ZMYND12: variants seen among roughly 807,000 people sequenced by gnomAD.
The protein encoded by ZMYND12 is zinc finger MYND-type containing 12.
A neutral mutation model predicts 41.7 loss-of-function variants in ZMYND12; 32 were observed. The ratio of observed to expected loss-of-function variants is 0.77; its 90% confidence interval spans 0.58 to 1.03. The LOEUF (loss-of-function observed/expected upper bound fraction) is 1.03, where lower values mean the gene tolerates loss of function less well. Among genes scored for constraint, ZMYND12 ranks in the 50% least tolerant of loss-of-function variants. ZMYND12 has a pLI of 0.00. For synonymous variants in ZMYND12, 148 were observed against 164.8 expected (o/e 0.90, Z 0.78); for missense variants, 424 against 438.5 (o/e 0.97, Z 0.30).
chr1:42,437,711 T>C (rs904887113), intron 4 of ZMYND12, among the ~76,000 whole-genome samples: 2 of 150,680 alleles, frequency 1.3e-5, no homozygotes, highest in African/African-American at 4.9e-5. Context: ...AGACTGAGTC[T>C]CACTCTGTCG....
At chr1:42,444,802 C>CTTTT (rs34129195) in intron 3 of ZMYND12, among the ~76,000 whole-genome samples, 1 of 124,542 alleles carries the variant, frequency 8.0e-6, no homozygotes. Flanking sequence ...AGGAGTAGTT[C>CTTTT]TTTTTTTTTT....
intron 3 of ZMYND12, among the ~76,000 whole-genome samples, chr1:42,445,010 G>T (rs572487670): frequency 2.0e-5 from 3 of 151,190 alleles, no homozygotes; most frequent in African/African-American, 7.3e-5. Flanking sequence ...GGGTTTCACC[G>T]TGTTCGCCAG....
chr1:42,440,131 TTTA>T, intron 3 of ZMYND12, 106 bp from the exon 4 acceptor site: 1 of 1,238,216 alleles, frequency 8.1e-7, no homozygotes, highest in Non-Finnish European at 1.1e-6. Context: ...GACTCAAGTA[TTTA>T]TTGACACAGA....
intron 6 of ZMYND12, among the ~76,000 whole-genome samples, chr1:42,435,022 T>C (rs992793984): frequency 6.6e-6 from 1 of 151,986 alleles, no homozygotes; most frequent in Non-Finnish European, 1.5e-5. Context: ...TTTGATGTGG[T>C]CTTTTTTTCC....
chr1:42,430,633 A>G lies in ZMYND12; in HGVS notation c.*103T>C. On this transcript the variant is annotated 3_prime_UTR_variant, in exon 8 of 8. Transcript: ENST00000372565. ...TGCAATCCCAGGGGAAGAGGGTGGA[A>G]ACTTCAGCAGTCTACAGTACCTCAA... 1.4e-6 allele frequency: 2 copies of G among 1,462,700 alleles called. No homozygotes were observed. The highest frequency in any genetic ancestry group is 2.7e-5 in the South Asian group (2 of 74,152). 90.6% of individuals were successfully genotyped at this position (1,462,700 alleles called of 1,614,324 possible).
intron 1 of ZMYND12, among the ~76,000 whole-genome samples, chr1:42,451,177 C>A (rs1214910819): frequency 6.6e-6 from 1 of 152,038 alleles, no homozygotes; most frequent in Non-Finnish European, 1.5e-5. Flanking sequence ...GATATTTGAT[C>A]TTCTATCTAG....
rs192870713 is a variant in ZMYND12, at chr1:42,433,043, G to C, written c.975+100C>G. 2.7e-6 allele frequency: 4 copies of C among 1,490,204 alleles called. No individual in the cohort carries two copies. The Admixed American group carries it at 5.6e-5, about 21-fold the overall frequency. The allele number at this position is 1,490,204 out of a possible 1,614,324, so 92.3% of individuals were successfully genotyped here. On this transcript the variant is annotated intron_variant, in intron 7 of 7. Transcript: ENST00000372565. ...TCTTTGGAGTGAGGGCTTGCTCTGA[G>C]GGCAAAAGCTATTGGAATTGGGCAA...
At chr1:42,440,117 C>A in intron 3 of ZMYND12, 92 bp from the exon 4 acceptor site, 1 of 1,323,372 alleles carries the variant, frequency 7.6e-7, no homozygotes, top group Non-Finnish European at 1.0e-6. Context: ...CTCATGTATT[C>A]ATTGACTCAA....
At chr1:42,448,670 A>G (rs757648862) in intron 2 of ZMYND12, 32 bp from the exon 3 acceptor site, 2 of 1,563,538 alleles carry the variant, frequency 1.3e-6, no homozygotes, top group African/African-American at 2.7e-5. Flanking sequence ...TATCTGAGAC[A>G]GTCTAAAGTT....
chr1:42,447,933 G>A (rs1643040599), intron 3 of ZMYND12, among the ~76,000 whole-genome samples: 1 of 152,146 alleles, frequency 6.6e-6, no homozygotes, highest in African/African-American at 2.4e-5. Flanking sequence ...CCACACTCAA[G>A]CCATGTCAAC....
intron 1 of ZMYND12, among the ~76,000 whole-genome samples, chr1:42,455,586 G>T (rs1643155742): frequency 6.6e-6 from 1 of 152,174 alleles, no homozygotes; most frequent in Non-Finnish European, 1.5e-5. Flanking sequence ...TTTCTTTACT[G>T]ATTTGTCTCC....
chr1:42,440,486 GGA>G (rs1015993321), intron 3 of ZMYND12, among the ~76,000 whole-genome samples: 2 of 152,180 alleles, frequency 1.3e-5, no homozygotes, highest in African/African-American at 4.8e-5. Flanking sequence ...GGCGACAGGG[GGA>G]GTCCAATGCA....
At chr1:42,431,078 AAACT>A (rs1326967248) in intron 7 of ZMYND12, among the ~76,000 whole-genome samples, 1 of 152,230 alleles carries the variant, frequency 6.6e-6, no homozygotes, top group Non-Finnish European at 1.5e-5. Flanking sequence ...CTGACTTGAC[AAACT>A]AAGTACAAAC....
At chr1:42,445,160 C>T (rs1408316733) in intron 3 of ZMYND12, among the ~76,000 whole-genome samples, 12 of 150,076 alleles carry the variant, frequency 8.0e-5, no homozygotes, top group Non-Finnish European at 1.3e-4. Flanking sequence ...CAGCTGGGTG[C>T]GGTGGCTCAC....
chr1:42,435,448 G>T, intron 5 of ZMYND12, 63 bp from the exon 6 acceptor site: 2 of 1,275,254 alleles, frequency 1.6e-6, no homozygotes, highest in Non-Finnish European at 2.3e-6. Context: ...GACCAGGCAG[G>T]TGAGGAGAGT....
intron 3 of ZMYND12, among the ~76,000 whole-genome samples, chr1:42,446,125 G>A (rs1438835673): frequency 5.9e-5 from 9 of 152,174 alleles, no homozygotes; most frequent in Non-Finnish European, 8.8e-5. Flanking sequence ...CTGGAATGGG[G>A]AGTCAGGGCC....
chr1:42,455,366 G>A (rs1364903876), intron 1 of ZMYND12, among the ~76,000 whole-genome samples: 2 of 152,232 alleles, frequency 1.3e-5, no homozygotes, highest in Admixed American at 1.3e-4. Context: ...TCCGCCTCCC[G>A]GGTTCAAGCG....
In ZMYND12 at chr1:42,430,981, G is replaced by A. The variant is rs537162643; in HGVS notation, c.976-123C>T. 4.0e-5 allele frequency: 54 copies of A among 1,351,272 alleles called. 1 individual carries two copies. The South Asian group carries it at 7.5e-4, about 19-fold the overall frequency. The allele number at this position is 1,351,272 out of a possible 1,614,324, so 83.7% of individuals were successfully genotyped here. The stretch of plus-strand genomic sequence containing the variant: ...TGACCACCTTTTCACACCACCCACT[G>A]AGCTCTTGTTGATAAACCTGTAAAC... On this transcript the variant is annotated intron_variant, in intron 7 of 7. Transcript: ENST00000372565.
rs148734678 is a variant in ZMYND12 at position 42,432,166 on chromosome 1, C to T, written c.975+977G>A. ...CAATCTCCTGGGCTCAAGTAATCCTCTTATCTCAGCCTCCCGAGTGGCTGG... is the reference window on the plus strand; with the variant it reads ...CAATCTCCTGGGCTCAAGTAATCCTTTTATCTCAGCCTCCCGAGTGGCTGG... On this transcript the variant is annotated intron_variant, in intron 7 of 7. Transcript: ENST00000372565. Among the ~76,000 whole-genome samples, 531 of 151,558 alleles carry T rather than the reference C, an allele frequency of 3.5e-3. 5 individuals are homozygous for T. The highest frequency in any genetic ancestry group is 0.012 in the African/African-American group (502 of 41,272).
Sources: gnomAD v4.1 joint callset for allele counts (sites outside exome capture counted in the v4.1 genomes callset) on GRCh38, gnomAD v4.1.1 for gene constraint, MANE v1.5 for transcripts, NCBI Gene and HGNC (gene_info 2026-07-23, HGNC 2026-07-21) for gene names.